Variants in HFM1 observed in about 807,000 individuals in gnomAD.
The protein encoded by HFM1 is helicase for meiosis 1.
A neutral mutation model predicts 192.1 loss-of-function variants in HFM1; 169 were observed. The observed-to-expected ratio is 0.88, with a 90% CI of 0.78 to 1.00. The LOEUF (loss-of-function observed/expected upper bound fraction) is 1.00. HFM1 is among the 50% of genes least tolerant of loss of function. HFM1 has a pLI of 0.00. For missense variants in HFM1, 1,661 were observed against 1,668.0 expected, an observed-to-expected ratio of 1.00 and a Z score of 0.07; for synonymous variants, 525 against 537.8, an observed-to-expected ratio of 0.98 and a Z score of 0.33.
intron 6 of HFM1, among the ~76,000 whole-genome samples, chr1:91,384,317 T>C (rs1406295226): frequency 1.3e-5 from 2 of 152,074 alleles, no homozygotes; most frequent in African/African-American, 4.8e-5. Context: ...AAACTGCTGG[T>C]GAATTAAAAC....
At position 91,392,720 on chromosome 1, in the gene HFM1, G is replaced by A. The variant is rs185793347; in HGVS notation, c.494+1373C>T. 2.6e-5 allele frequency among the ~76,000 whole-genome samples: 4 copies of A among 152,106 alleles called. No homozygotes were observed. In the East Asian group the frequency reaches 7.7e-4, roughly 29 times the overall value. On this transcript the variant is annotated intron_variant, in intron 4 of 38. Coordinates refer to ENST00000370425, the MANE Select transcript of HFM1 (RefSeq NM_001017975.6). ...GTAACAAACCTGCATGTTGTGCACA[G>A]GTACTCTATAACTTGAAGTATAATT...
In HFM1 at chr1:91,315,858, T is replaced by C. The variant is rs765981693; in HGVS notation, c.3097A>G (p.Ile1033Val). Residue 1033 changes from isoleucine to valine, a missense_variant, in exon 28 of 39, where the codon ATA becomes GTA. By Grantham distance (29) the Ile-to-Val change is conservative (BLOSUM62 3). Coordinates refer to ENST00000370425, the MANE Select transcript of HFM1 (RefSeq NM_001017975.6). ...ACTACTTGATTATCTGCGTCACCTA[T>C]GATTAAGGTAACATAGTGAGAATCC... ...ASDSHYVTLIIGDADNQVVYL... is the reference protein window; with the variant it reads ...ASDSHYVTLIVGDADNQVVYL... 1.2e-6 allele frequency: 2 copies of C among 1,610,868 alleles called. No homozygotes were observed. The highest frequency in any genetic ancestry group is 1.1e-5 in the South Asian group (1 of 90,838).
chr1:91,351,963 T>C (rs982113052), intron 16 of HFM1, among the ~76,000 whole-genome samples: 2 of 151,984 alleles, frequency 1.3e-5, no homozygotes, highest in African/African-American at 4.8e-5. Context: ...TATGAAATTG[T>C]AGAACTGTAC....
At chr1:91,357,690 T>C (rs1040129443) in intron 13 of HFM1, among the ~76,000 whole-genome samples, 4 of 152,172 alleles carry the variant, frequency 2.6e-5, no homozygotes, top group Non-Finnish European at 2.9e-5. Context: ...AACATTATCT[T>C]ACATGTAAAA....
At chr1:91,295,513 G>C (rs1032251902) in intron 30 of HFM1, among the ~76,000 whole-genome samples, 59 of 152,032 alleles carry the variant, frequency 3.9e-4, no homozygotes, top group Non-Finnish European at 3.5e-4. Context: ...TATTGGATTG[G>C]GGTTCACACT....
intron 20 of HFM1, among the ~76,000 whole-genome samples, chr1:91,338,484 G>A (rs929676665): frequency 6.6e-6 from 1 of 152,120 alleles, no homozygotes; most frequent in African/African-American, 2.4e-5. Flanking sequence ...CTGGGGCACC[G>A]CCTAGTGGCC....
Position 91,294,104 on chromosome 1 carries a change from A to T in HFM1, c.3392-17042T>A, listed in dbSNP as rs1263103635. 3.3e-5 allele frequency among the ~76,000 whole-genome samples: 5 copies of T among 151,462 alleles called. No homozygotes were observed. The East Asian group carries it at 9.7e-4, about 30-fold the overall frequency. ...TGGGAGATATACCTAATGCTAGATG[A>T]CGAGTTAGTGGGTGCAGTGCACCAG... On this transcript the variant is annotated intron_variant, in intron 30 of 38. Transcript: ENST00000370425.
At chr1:91,320,490 T>C (rs1651928723) in intron 23 of HFM1, among the ~76,000 whole-genome samples, 1 of 152,208 alleles carries the variant, frequency 6.6e-6, no homozygotes, top group African/African-American at 2.4e-5. Context: ...ATAAAACTCC[T>C]TGTTAAGCTA....
chr1:91,261,275 A>T lies in HFM1; in HGVS notation c.*15T>A. ...TTATTCTTTCTCTTATCAATATAAA[A>T]AGTATTTGTTTGTTTTAGAAAATAC... On this transcript the variant is annotated 3_prime_UTR_variant, in exon 39 of 39. Coordinates refer to ENST00000370425, the MANE Select transcript of HFM1 (RefSeq NM_001017975.6). 1 of 1,113,184 alleles carries T rather than the reference A, an allele frequency of 9.0e-7. No individual in the cohort carries two copies. The highest frequency in any genetic ancestry group is 1.6e-5 in the African/African-American group (1 of 61,222). The allele number at this position is 1,113,184 out of a possible 1,614,324, so 69.0% of individuals were successfully genotyped here. A position where few individuals can be genotyped will look rare whatever the true frequency, so the allele number is the denominator to read the frequency against.
intron 16 of HFM1, 94 bp from the exon 17 acceptor site, chr1:91,351,737 G>A (rs1309181145): frequency 1.9e-6 from 1 of 530,340 alleles, no homozygotes; most frequent in East Asian, 3.1e-5. Flanking sequence ...ATATTAAACA[G>A]TCTCCTTGTC....
At chr1:91,375,930 T>C (rs987486227) in intron 11 of HFM1, among the ~76,000 whole-genome samples, 8 of 151,962 alleles carry the variant, frequency 5.3e-5, no homozygotes, top group Non-Finnish European at 1.0e-4. Context: ...TTCAAGATTA[T>C]ACCCACTTTT....
upstream of HFM1, among the ~76,000 whole-genome samples, chr1:91,405,356 T>C (rs978387164): frequency 1.3e-5 from 2 of 152,234 alleles, no homozygotes; most frequent in South Asian, 4.1e-4. Context: ...GCTGTAAACA[T>C]GAACAAACTA....
chr1:91,373,609 G>C (rs1032821572), intron 13 of HFM1, among the ~76,000 whole-genome samples: 1 of 151,678 alleles, frequency 6.6e-6, no homozygotes, highest in African/African-American at 2.4e-5. Flanking sequence ...AATAGTGAGT[G>C]AGTTTTTGTG....
chr1:91,319,189 C>A lies in HFM1; in HGVS notation c.2701G>T (p.Ala901Ser). Residue 901 changes from alanine (A) to serine (S), a missense_variant, in exon 25 of 39, where the codon GCT (alanine) becomes TCT (serine). Physicochemically the swap from Ala to Ser is moderately conservative, Grantham distance 99. Transcript: ENST00000370425. Reference sequence around the variant, plus strand: ...AGTACAGCAAACTTCTTTTCTTGAGCAGCTACAAAATCTGACAACCCTAAA... The same window carrying A: ...AGTACAGCAAACTTCTTTTCTTGAGAAGCTACAAAATCTGACAACCCTAAA... Reference protein sequence around the residue: ...ITRWLSDFVAAQEKKFAVLLN... With the variant: ...ITRWLSDFVASQEKKFAVLLN... The A allele has an allele frequency of 6.2e-7, 1 of 1,607,380 alleles. No homozygotes were observed. The highest frequency in any genetic ancestry group is 8.5e-7 in the Non-Finnish European group (1 of 1,178,062).
intron 28 of HFM1, among the ~76,000 whole-genome samples, chr1:91,315,385 C>T (rs1651049427): frequency 1.3e-5 from 2 of 152,156 alleles, no homozygotes; most frequent in South Asian, 2.1e-4. Flanking sequence ...CTCCTCTATA[C>T]ATTTGCTTTG....
intron 2 of HFM1, 51 bp from the exon 3 acceptor site, chr1:91,396,456 G>T: frequency 1.1e-6 from 1 of 896,320 alleles, no homozygotes; most frequent in South Asian, 1.8e-5. Flanking sequence ...GATATAACAT[G>T]AGAAGCTATG....
chr1:91,376,741 T>C (rs1660956295), intron 11 of HFM1, among the ~76,000 whole-genome samples: 1 of 151,890 alleles, frequency 6.6e-6, no homozygotes, highest in African/African-American at 2.4e-5. Flanking sequence ...CAATAAATCC[T>C]ATAAATATTT....
intron 13 of HFM1, among the ~76,000 whole-genome samples, chr1:91,359,964 T>C (rs1658279805): frequency 6.6e-6 from 1 of 152,158 alleles, no homozygotes; most frequent in African/African-American, 2.4e-5. Context: ...GGAGCCAATA[T>C]TCAACATTCT....
intron 13 of HFM1, among the ~76,000 whole-genome samples, chr1:91,359,173 C>T (rs1039122960): frequency 2.6e-5 from 4 of 152,130 alleles, no homozygotes; most frequent in Non-Finnish European, 4.4e-5. Context: ...CGTAAAAACA[C>T]TGAAAACTGA....
Sources: gnomAD v4.1 joint callset for allele counts (sites outside exome capture counted in the v4.1 genomes callset) on GRCh38, gnomAD v4.1.1 for gene constraint, MANE v1.5 for transcripts, NCBI Gene and HGNC (gene_info 2026-07-23, HGNC 2026-07-21) for gene names.